PTPRO: variants seen among roughly 807,000 people sequenced by gnomAD.
PTPRO encodes protein tyrosine phosphatase receptor type O, also known as receptor-type tyrosine-protein phosphatase O.
A neutral mutation model predicts 145.2 loss-of-function variants in PTPRO; 62 were observed. That is an observed-to-expected ratio of 0.43 (90% CI 0.35 to 0.53). The LOEUF is 0.53. Ranked by LOEUF, PTPRO falls within the 20% of genes least tolerant of loss-of-function variation. The pLI is 0.01. For missense variants in PTPRO, 1,345 were observed against 1,482.7 expected (o/e 0.91, Z 1.53); for synonymous variants, 565 against 514.7 (o/e 1.10, Z -1.32).
chr12:15,459,552 G>GT (rs1340484063), intron 1 of PTPRO, among the ~76,000 whole-genome samples: 1 of 152,184 alleles, frequency 6.6e-6, no homozygotes, highest in Non-Finnish European at 1.5e-5. Context: ...AGTGTGGTTG[G>GT]TTTTTTGTTC....
chr12:15,357,016 G>A (rs1938016382), intron 1 of PTPRO, among the ~76,000 whole-genome samples: 1 of 152,148 alleles, frequency 6.6e-6, no homozygotes, highest in African/African-American at 2.4e-5. Context: ...GGGGGTGGCT[G>A]TCACCTTGGT....
intron 1 of PTPRO, among the ~76,000 whole-genome samples, chr12:15,408,584 C>G (rs374035129): frequency 6.6e-6 from 1 of 152,068 alleles, no homozygotes; most frequent in African/African-American, 2.4e-5. Context: ...CCCACCACCA[C>G]GCTTGGCTAA....
intron 1 of PTPRO, among the ~76,000 whole-genome samples, chr12:15,422,109 C>G (rs1009246430): frequency 1.6e-4 from 25 of 151,758 alleles, no homozygotes; most frequent in African/African-American, 6.1e-4. Flanking sequence ...GCAGCAATTC[C>G]AAAATAACTT....
intron 1 of PTPRO, among the ~76,000 whole-genome samples, chr12:15,344,071 ATCATTG>A (rs1348399822): frequency 6.6e-6 from 1 of 152,222 alleles, no homozygotes; most frequent in Non-Finnish European, 1.5e-5. Flanking sequence ...AGTCTACATA[ATCATTG>A]TCAGGTTCTA....
Position 15,382,159 on chromosome 12 carries a change from A to AATATAT in PTPRO, c.75+59371_75+59376dup, listed in dbSNP as rs144742152. On this transcript the variant is annotated intron_variant, in intron 1 of 26. Transcript: ENST00000281171. ...GAGAGATGGCATCCAAAAAGTGAGAAATATATATATATATATATTTATATT... is the reference window on the plus strand; with the variant it reads ...GAGAGATGGCATCCAAAAAGTGAGAAATATATATATATATATATATATATTTATATT... Among the ~76,000 whole-genome samples the AATATAT allele has an allele frequency of 7.5e-3, 1,092 of 145,716 alleles. 9 individuals carry two copies. Among genetic ancestry groups the AATATAT allele is most frequent in the African/African-American group, 0.026 (1,011 of 39,602 alleles).
At chr12:15,544,454 G>A (rs555103960) in intron 12 of PTPRO, among the ~76,000 whole-genome samples, 1 of 136,882 alleles carries the variant, frequency 7.3e-6, no homozygotes, top group Non-Finnish European at 1.5e-5. Flanking sequence ...GCAGTGAGCC[G>A]AGATTGCACC....
chr12:15,464,302 C>G (rs761487764), intron 1 of PTPRO, among the ~76,000 whole-genome samples: 1 of 152,164 alleles, frequency 6.6e-6, no homozygotes, highest in Non-Finnish European at 1.5e-5. Context: ...ATCTAACACA[C>G]AGCCACTGGT....
Position 15,546,676 on chromosome 12 carries a change from C to G in PTPRO, c.2272C>G (p.Gln758Glu), listed in dbSNP as rs763868644. 8.7e-6 allele frequency: 14 copies of G among 1,613,894 alleles called. No homozygotes were observed. The South Asian group carries it at 1.4e-4, about 16-fold the overall frequency. Residue 758 changes from glutamine (Q) to glutamate (E), a missense_variant, in exon 13 of 27, where the codon CAA becomes GAA. Transcript: ENST00000281171. ...VADFFEVFCQ[Q>E]VGSSQKTKLQ... Reference sequence around the variant, plus strand: ...TGATTTCTTTGAAGTTTTCTGTCAACAAGTTGGCTCCAGTCAGAAAACCAA... The same window carrying G: ...TGATTTCTTTGAAGTTTTCTGTCAAGAAGTTGGCTCCAGTCAGAAAACCAA...
intron 18 of PTPRO, among the ~76,000 whole-genome samples, chr12:15,566,996 G>A (rs774728872): frequency 2.0e-5 from 3 of 152,130 alleles, no homozygotes; most frequent in Non-Finnish European, 1.5e-5. Context: ...GAGCTAAAGA[G>A]GCAGAGACTA....
At chr12:15,413,113 C>T (rs1939846252) in intron 1 of PTPRO, among the ~76,000 whole-genome samples, 1 of 151,932 alleles carries the variant, frequency 6.6e-6, no homozygotes, top group South Asian at 2.1e-4. Flanking sequence ...TTTTTTGAGA[C>T]AGGGTCTCGC....
At chr12:15,536,984 C>T (rs1403718334) in intron 12 of PTPRO, among the ~76,000 whole-genome samples, 3 of 152,168 alleles carry the variant, frequency 2.0e-5, no homozygotes, top group African/African-American at 7.2e-5. Flanking sequence ...CTGAGAAAAT[C>T]TGCTGATGGA....
chr12:15,469,162 A>G (rs1455422311), intron 1 of PTPRO, among the ~76,000 whole-genome samples: 2 of 152,220 alleles, frequency 1.3e-5, no homozygotes, highest in East Asian at 3.8e-4. Flanking sequence ...GAAATAAATG[A>G]TTAGCACCAC....
chr12:15,367,980 T>C (rs1349840685), intron 1 of PTPRO, among the ~76,000 whole-genome samples: 1 of 152,212 alleles, frequency 6.6e-6, no homozygotes, highest in Non-Finnish European at 1.5e-5. Context: ...AAAGAGGCCA[T>C]AAAGACTGCT....
chr12:15,462,476 C>T (rs1367836503), intron 1 of PTPRO, among the ~76,000 whole-genome samples: 1 of 152,160 alleles, frequency 6.6e-6, no homozygotes, highest in African/African-American at 2.4e-5. Flanking sequence ...AATACTCTTG[C>T]TGCCATGGTG....
chr12:15,441,127 C>T (rs908501254), intron 1 of PTPRO, among the ~76,000 whole-genome samples: 7 of 151,952 alleles, frequency 4.6e-5, no homozygotes, highest in African/African-American at 1.5e-4. Flanking sequence ...AAGTAAGTCT[C>T]AATGAAATAA....
At chr12:15,353,608 G>C (rs1937883948) in intron 1 of PTPRO, among the ~76,000 whole-genome samples, 1 of 152,166 alleles carries the variant, frequency 6.6e-6, no homozygotes. Context: ...TTGTGGTGGA[G>C]AAGCATTGTC....
At chr12:15,367,476 G>C (rs188189146) in intron 1 of PTPRO, among the ~76,000 whole-genome samples, 216 of 152,302 alleles carry the variant, frequency 1.4e-3, no homozygotes, top group African/African-American at 4.8e-3. Context: ...TTTAGCTAAG[G>C]CTAAAGTGGG....
chr12:15,376,157 C>T (rs1190246014), intron 1 of PTPRO, among the ~76,000 whole-genome samples: 1 of 152,002 alleles, frequency 6.6e-6, no homozygotes, highest in Non-Finnish European at 1.5e-5. Flanking sequence ...AGGAGACCCA[C>T]ACCTAGTCAG....
chr12:15,359,546 G>A (rs560645505), intron 1 of PTPRO, among the ~76,000 whole-genome samples: 2 of 150,260 alleles, frequency 1.3e-5, no homozygotes, highest in Admixed American at 6.7e-5. Context: ...GGAACTACAG[G>A]CACCCACCAC....
Sources: allele counts gnomAD v4.1 joint callset (sites outside exome capture counted in the v4.1 genomes callset), GRCh38; gene constraint gnomAD v4.1.1; transcripts MANE v1.5; gene names NCBI Gene and HGNC (gene_info 2026-07-23, HGNC 2026-07-21).